COMMD1: variants seen among roughly 807,000 people sequenced by gnomAD.
The protein encoded by COMMD1 is copper metabolism domain containing 1.
A neutral mutation model predicts 17.2 loss-of-function variants in COMMD1; 10 were observed. The observed-to-expected ratio is 0.58, with a 90% CI of 0.36 to 0.99. COMMD1 has a LOEUF of 0.99. Ranked by LOEUF, COMMD1 falls within the 50% of genes least tolerant of loss-of-function variation. COMMD1 has a pLI of 0.01. For missense variants in COMMD1, 270 were observed against 231.8 expected, an observed-to-expected ratio of 1.17 and a Z score of -1.07; for synonymous variants, 97 against 91.6, an observed-to-expected ratio of 1.06 and a Z score of -0.34.
upstream of COMMD1, among the ~76,000 whole-genome samples, chr2:61,902,619 C>T (rs1453829091): frequency 6.6e-6 from 1 of 152,070 alleles, no homozygotes; most frequent in Non-Finnish European, 1.5e-5. Flanking sequence ...AAAATTTACT[C>T]TCAAAATTTA....
intron 1 of COMMD1, chr2:61,918,745 A>T (rs1295323929): frequency 6.6e-6 from 1 of 152,164 alleles, no homozygotes; most frequent in Admixed American, 6.6e-5. Context: ...ATATATGATA[A>T]ATGCCATGAG....
intron 2 of COMMD1, among the ~76,000 whole-genome samples, chr2:62,051,633 G>A (rs1166286743): frequency 6.6e-6 from 1 of 152,134 alleles, no homozygotes; most frequent in Non-Finnish European, 1.5e-5. Context: ...TTGCACTGCT[G>A]AGTGATTGTT....
chr2:62,038,699 T>G (rs1264263196), intron 2 of COMMD1, among the ~76,000 whole-genome samples: 1 of 152,000 alleles, frequency 6.6e-6, no homozygotes, highest in Admixed American at 6.6e-5. Flanking sequence ...CAGGCATACA[T>G]CACCACGCCT....
chr2:61,988,689 C>T (rs1386545628), intron 1 of COMMD1, among the ~76,000 whole-genome samples: 2 of 152,148 alleles, frequency 1.3e-5, no homozygotes, highest in African/African-American at 4.8e-5. Flanking sequence ...TGTCATGTGT[C>T]CCCTGAGTCC....
At chr2:62,134,541 C>G (rs1673133305) in intron 2 of COMMD1, among the ~76,000 whole-genome samples, 2 of 151,694 alleles carry the variant, frequency 1.3e-5, no homozygotes, top group African/African-American at 4.8e-5. Flanking sequence ...ATTCCTGCTG[C>G]CATAACTCAG....
intron 2 of COMMD1, among the ~76,000 whole-genome samples, chr2:62,129,819 A>G (rs576241544): frequency 1.3e-5 from 2 of 152,246 alleles, no homozygotes; most frequent in Admixed American, 1.3e-4. Context: ...GGGTTATTTT[A>G]AGCATATGAA....
intron 2 of COMMD1, among the ~76,000 whole-genome samples, chr2:62,102,686 C>T (rs576505874): frequency 6.6e-6 from 1 of 152,328 alleles, no homozygotes; most frequent in South Asian, 2.1e-4. Context: ...AACCAGAACT[C>T]CTTGTCCCCA....
intron 2 of COMMD1, among the ~76,000 whole-genome samples, chr2:62,075,557 A>G (rs1396460117): frequency 6.6e-6 from 1 of 152,230 alleles, no homozygotes; most frequent in African/African-American, 2.4e-5. Flanking sequence ...TGAGGTAAGC[A>G]TTGTAACTCC....
intron 2 of COMMD1, among the ~76,000 whole-genome samples, chr2:62,016,041 CA>C (rs1262815926): frequency 2.0e-5 from 3 of 152,002 alleles, no homozygotes; most frequent in Non-Finnish European, 4.4e-5. Flanking sequence ...CACTTTTGGC[CA>C]GGCTGGTCTT....
chr2:61,992,390 G>A (rs1225732035), intron 1 of COMMD1, among the ~76,000 whole-genome samples: 3 of 152,110 alleles, frequency 2.0e-5, no homozygotes, highest in African/African-American at 7.2e-5. Flanking sequence ...TTATAAACAG[G>A]TTTTTCCACA....
At chr2:61,889,448 CG>C (rs1254097191) in intron 1 of COMMD1, among the ~76,000 whole-genome samples, 2 of 151,982 alleles carry the variant, frequency 1.3e-5, no homozygotes, top group East Asian at 3.9e-4. Context: ...CGGCTCAAAG[CG>C]GTCCACCCTC....
rs1671474031 is a variant in COMMD1, at chr2:62,080,005, A to G, written c.463-55826A>G. Among the ~76,000 whole-genome samples, 3 of 152,208 alleles carry G rather than the reference A, an allele frequency of 2.0e-5. No individual in the cohort carries two copies. The South Asian group carries it at 6.2e-4, about 32-fold the overall frequency. On this transcript the variant is annotated intron_variant, in intron 2 of 2. Transcript: ENST00000311832. Reference sequence around the variant, plus strand: ...TCCAAAAGTTAGCACCCAAAGAATTATACTTCCTGGAAAATGTAAATAGTT... The same window carrying G: ...TCCAAAAGTTAGCACCCAAAGAATTGTACTTCCTGGAAAATGTAAATAGTT...
At chr2:62,048,688 G>GT (rs1028859346) in intron 2 of COMMD1, among the ~76,000 whole-genome samples, 145 of 145,474 alleles carry the variant, frequency 1.0e-3, no homozygotes, top group Admixed American at 1.6e-3. Context: ...TTTTTTTCTC[G>GT]TTTTTTTTTT....
intron 2 of COMMD1, among the ~76,000 whole-genome samples, chr2:62,004,292 C>T (rs1669053625): frequency 6.6e-6 from 1 of 152,054 alleles, no homozygotes; most frequent in Non-Finnish European, 1.5e-5. Context: ...GCACTTTAGC[C>T]CATAAAATCC....
Position 62,076,484 on chromosome 2 carries a change from C to T in COMMD1, c.463-59347C>T, listed in dbSNP as rs568435508. Among the ~76,000 whole-genome samples the T allele has an allele frequency of 3.3e-5, 5 of 152,344 alleles. No homozygotes were observed. In the South Asian group the frequency reaches 6.2e-4, roughly 19 times the overall value. ...AACAGCGGCCGTCTGCAGTGGCTTACGCCTGTAATCCCAACACTTTAGGAG... is the reference window on the plus strand; with the variant it reads ...AACAGCGGCCGTCTGCAGTGGCTTATGCCTGTAATCCCAACACTTTAGGAG... On this transcript the variant is annotated intron_variant, in intron 2 of 2. Transcript: ENST00000311832.
intron 1 of COMMD1, among the ~76,000 whole-genome samples, chr2:61,942,659 C>T (rs1670783030): frequency 6.6e-6 from 1 of 151,576 alleles, no homozygotes; most frequent in South Asian, 2.1e-4. Context: ...CATACCTCAG[C>T]CTCCCAAGTA....
intron 2 of COMMD1, among the ~76,000 whole-genome samples, chr2:62,041,244 C>T (rs1670186680): frequency 6.6e-6 from 1 of 152,042 alleles, no homozygotes; most frequent in Non-Finnish European, 1.5e-5. Context: ...TTAAATTAAT[C>T]CATTTCTACT....
At chr2:62,012,664 T>G (rs1280456891) in intron 2 of COMMD1, among the ~76,000 whole-genome samples, 1 of 152,124 alleles carries the variant, frequency 6.6e-6, no homozygotes, top group African/African-American at 2.4e-5. Context: ...GCCATTTCTT[T>G]CTCACCACCT....
chr2:61,900,944 CTTTTAT>C (rs1299640106), upstream of COMMD1, among the ~76,000 whole-genome samples: 12 of 152,108 alleles, frequency 7.9e-5, no homozygotes, highest in Admixed American at 6.6e-4. Flanking sequence ...AATTAAAACA[CTTTTAT>C]TTTTATTTTT....
Sources: gnomAD v4.1 joint callset for allele counts (sites outside exome capture counted in the v4.1 genomes callset) on GRCh38, gnomAD v4.1.1 for gene constraint, MANE v1.5 for transcripts, NCBI Gene and HGNC (gene_info 2026-07-23, HGNC 2026-07-21) for gene names.